The following KIAA0232 variants were observed in gnomAD, a reference collection of about 807,000 sequenced individuals.
KIAA0232 encodes uncharacterized protein KIAA0232.
KIAA0232 carries 27 observed loss-of-function variants against 122.0 expected under a neutral mutation model. The observed-to-expected ratio is 0.22, with a 90% CI of 0.16 to 0.31. The LOEUF (loss-of-function observed/expected upper bound fraction) is 0.31, where lower values mean the gene tolerates loss of function less well. Among genes scored for constraint, KIAA0232 ranks in the 10% least tolerant of loss-of-function variants. The pLI, the probability that KIAA0232 is intolerant of heterozygous loss-of-function variation, is 1.00. For synonymous variants in KIAA0232, 613 were observed against 587.6 expected (o/e 1.04, Z -0.63); for missense variants, 1,551 against 1,634.2 (o/e 0.95, Z 0.88).
chr4:6,835,765 A>T (rs952594500), intron 3 of KIAA0232, among the ~76,000 whole-genome samples: 3 of 152,138 alleles, frequency 2.0e-5, no homozygotes, highest in African/African-American at 7.2e-5. Flanking sequence ...AATGGTTTTC[A>T]TCTTCATCTG....
At chr4:6,798,550 C>T (rs1339671624) in intron 1 of KIAA0232, among the ~76,000 whole-genome samples, 2 of 152,140 alleles carry the variant, frequency 1.3e-5, no homozygotes. Context: ...TTTCTTTCTT[C>T]TCAGTTACAT....
chr4:6,793,757 G>A (rs115982284), intron 1 of KIAA0232, among the ~76,000 whole-genome samples: 4 of 152,204 alleles, frequency 2.6e-5, no homozygotes, highest in South Asian at 2.1e-4. Context: ...CTGTTAGGGC[G>A]TTGTGTTAGG....
chr4:6,789,596 C>G (rs1716796527), intron 1 of KIAA0232, among the ~76,000 whole-genome samples: 1 of 152,148 alleles, frequency 6.6e-6, no homozygotes, highest in Admixed American at 6.5e-5. Context: ...CAACTTGCAT[C>G]TACGTTCTTT....
Position 6,864,030 on chromosome 4 carries a change from T to A in KIAA0232, c.3648T>A (p.Asn1216Lys). 1 of 1,614,212 alleles carries A rather than the reference T, an allele frequency of 6.2e-7. No homozygotes were observed. The highest frequency in any genetic ancestry group is 8.5e-7 in the Non-Finnish European group (1 of 1,180,026). ...KQNQCLECSM[N>K]ESLEIDLESS... ...ATCAGTGTTTGGAATGTAGCATGAA[T>A]GAATCCCTGGAAATAGATTTAGAAA... Residue 1216 changes from asparagine to lysine, a missense_variant, in exon 7 of 10, where the codon AAT becomes AAA. This residue lies in a region of KIAA0232 where 1,108 missense variants were observed against 1,154.8 expected (regional missense o/e 0.96). Coordinates refer to ENST00000307659, the MANE Select transcript of KIAA0232 (RefSeq NM_014743.3).
intron 2 of KIAA0232, among the ~76,000 whole-genome samples, chr4:6,811,218 C>T (rs1385953081): frequency 1.3e-5 from 2 of 152,052 alleles, no homozygotes; most frequent in African/African-American, 4.8e-5. Context: ...GAGTGTCCAT[C>T]AGTGAATAAA....
intron 2 of KIAA0232, among the ~76,000 whole-genome samples, chr4:6,809,193 G>A (rs13147693): frequency 0.25 from 38,044 of 152,136 alleles, 5,264 homozygotes; most frequent in Non-Finnish European, 0.3. Flanking sequence ...TAGTTTGTCT[G>A]TGTTTACCAG....
chr4:6,851,524 G>C (rs1279021685), intron 4 of KIAA0232, among the ~76,000 whole-genome samples: 1 of 151,732 alleles, frequency 6.6e-6, no homozygotes, highest in Non-Finnish European at 1.5e-5. Context: ...TTTGAGATGG[G>C]GTTTTGCAGA....
chr4:6,831,248 G>A (rs1718960597), intron 3 of KIAA0232, among the ~76,000 whole-genome samples: 1 of 152,006 alleles, frequency 6.6e-6, no homozygotes, highest in African/African-American at 2.4e-5. Flanking sequence ...TGGAGACAGG[G>A]TTTCACTATG....
At chr4:6,790,360 TATTTA>T (rs1451532775) in intron 1 of KIAA0232, among the ~76,000 whole-genome samples, 3 of 151,266 alleles carry the variant, frequency 2.0e-5, no homozygotes, top group African/African-American at 7.3e-5. Context: ...TTCCTTTTTT[TATTTA>T]ATTTTTTTTT....
At chr4:6,853,550 G>C (rs73080538) in intron 4 of KIAA0232, among the ~76,000 whole-genome samples, 3,053 of 152,216 alleles carry the variant, frequency 0.02, 109 homozygotes, top group African/African-American at 0.07. Context: ...TGTGCAAATG[G>C]AACAGGCAGT....
chr4:6,796,505 G>T (rs1267760514), intron 1 of KIAA0232, among the ~76,000 whole-genome samples: 1 of 152,342 alleles, frequency 6.6e-6, no homozygotes, highest in East Asian at 1.9e-4. Flanking sequence ...GCCTCCCAAA[G>T]TGCTGGGATT....
At chr4:6,873,614 G>T (rs1419031127) in intron 8 of KIAA0232, among the ~76,000 whole-genome samples, 3 of 151,938 alleles carry the variant, frequency 2.0e-5, no homozygotes, top group Non-Finnish European at 2.9e-5. Flanking sequence ...CCAGTTTTCT[G>T]TCATTAGTTA....
chr4:6,876,404 G>T (rs776131761), intron 8 of KIAA0232, among the ~76,000 whole-genome samples: 53 of 152,172 alleles, frequency 3.5e-4, no homozygotes, highest in Admixed American at 9.2e-4. Flanking sequence ...AGAATAACAG[G>T]AGTGTATGGT....
In KIAA0232 at chr4:6,801,677, G is replaced by GA. The variant is rs367774914; in HGVS notation, c.-353-2834dup. On this transcript the variant is annotated intron_variant, in intron 1 of 9. Transcript: ENST00000307659. ...CCAGACTGGGTGACAGGACGAAAAG[G>GA]AAAAAAAAAAAAGAGAAAGGTGCTA... 2.2e-3 allele frequency among the ~76,000 whole-genome samples: 308 copies of GA among 139,616 alleles called. 1 individual carries two copies. The highest frequency in any genetic ancestry group is 0.011 in the South Asian group (50 of 4,398). The allele number at this position is 139,616 out of a possible 152,430, so 91.6% of individuals were successfully genotyped here. A position where few individuals can be genotyped will look rare whatever the true frequency, so the allele number is the denominator to read the frequency against.
intron 4 of KIAA0232, among the ~76,000 whole-genome samples, chr4:6,853,779 G>A (rs1385628348): frequency 1.3e-5 from 2 of 152,228 alleles, no homozygotes; most frequent in African/African-American, 4.8e-5. Flanking sequence ...AAGTTGAGAA[G>A]GATGGGAAGT....
chr4:6,793,616 C>G (rs1717003650), intron 1 of KIAA0232, among the ~76,000 whole-genome samples: 1 of 125,706 alleles, frequency 8.0e-6, no homozygotes, highest in Non-Finnish European at 1.8e-5. Flanking sequence ...AAGAGATTCA[C>G]TAGGATTATT....
intron 3 of KIAA0232, among the ~76,000 whole-genome samples, chr4:6,828,927 A>C (rs181964290): frequency 2.2e-4 from 33 of 152,190 alleles, no homozygotes; most frequent in South Asian, 6.2e-4. Context: ...TCAGATATAC[A>C]GTCAATATTC....
At chr4:6,813,432 G>C (rs936203186) in intron 2 of KIAA0232, among the ~76,000 whole-genome samples, 2 of 150,858 alleles carry the variant, frequency 1.3e-5, no homozygotes, top group Non-Finnish European at 2.9e-5. Context: ...GCGCAGTCTC[G>C]GCTCACTGCA....
At chr4:6,785,003 G>C (rs1345991034) in intron 1 of KIAA0232, among the ~76,000 whole-genome samples, 1 of 148,756 alleles carries the variant, frequency 6.7e-6, no homozygotes, top group Non-Finnish European at 1.5e-5. Flanking sequence ...CCGCGATCTC[G>C]GCTCACTCAC....
Sources: allele counts gnomAD v4.1 joint callset (sites outside exome capture counted in the v4.1 genomes callset), GRCh38; gene constraint gnomAD v4.1.1; regional missense constraint gnomAD v4.1.1; transcripts MANE v1.5; gene names NCBI Gene and HGNC (gene_info 2026-07-23, HGNC 2026-07-21).